Variants in PAPOLG observed in about 807,000 individuals in gnomAD.
PAPOLG encodes the protein PAP-gamma.
Under a neutral mutation model 99.0 loss-of-function variants are expected in PAPOLG, and 40 were observed. The ratio of observed to expected loss-of-function variants is 0.40; its 90% CI spans 0.31 to 0.53. The LOEUF (loss-of-function observed/expected upper bound fraction) is 0.53, where lower values mean the gene tolerates loss of function less well. PAPOLG is among the 20% of genes least tolerant of loss of function. The probability of loss-of-function intolerance (pLI) is 0.41; values close to 1 mark genes in which losing one functional copy is unlikely to be tolerated. For synonymous variants in PAPOLG, 310 were observed against 299.3 expected, an observed-to-expected ratio of 1.04 and a Z score of -0.37; for missense variants, 675 against 884.1, an observed-to-expected ratio of 0.76 and a Z score of 3.00.
chr2:60,763,927 C>T (rs537006441), intron 3 of PAPOLG, among the ~76,000 whole-genome samples: 2 of 152,062 alleles, frequency 1.3e-5, no homozygotes, highest in South Asian at 2.1e-4. Context: ...CTCAGCCTCC[C>T]GAGTAGCTGG....
rs1256653245 is a variant in PAPOLG at position 60,797,063 on chromosome 2, G to GACTACCCAGTAAAGA, written c.2121_2135dup (p.Ser708_Pro712dup). 6.2e-7 allele frequency: 1 copy of GACTACCCAGTAAAGA among 1,612,162 alleles called. No individual in the cohort carries two copies. Among genetic ancestry groups the GACTACCCAGTAAAGA allele is most frequent in the Non-Finnish European group, 8.5e-7 (1 of 1,178,322 alleles). ...TTGTTTCCTCTTTCTTTCTAATAGA[G>GACTACCCAGTAAAGA]ACTACCCAGTAAAGAACTACCAGAT... is the stretch of plus-strand genomic sequence containing the variant. On this transcript the variant is annotated inframe_insertion and splice_region_variant, in exon 22 of 22. Transcript: ENST00000238714.
chr2:60,793,964 T>G lies in PAPOLG; in HGVS notation c.1769-7T>G. 1.3e-6 allele frequency: 2 copies of G among 1,596,694 alleles called. No homozygotes were observed. The highest frequency in any genetic ancestry group is 1.7e-6 in the Non-Finnish European group (2 of 1,171,578). ...TTAATTATTAAAATCCTTTTTTTCCTTTTCAGAAGTTGACTCTACAGTAAA... is the reference window on the plus strand; with the variant it reads ...TTAATTATTAAAATCCTTTTTTTCCGTTTCAGAAGTTGACTCTACAGTAAA... On this transcript the variant is annotated splice_region_variant and splice_polypyrimidine_tract_variant and intron_variant, in intron 18 of 21. Transcript: ENST00000238714.
Position 60,782,678 on chromosome 2 carries a change from T to TTTTTTTTTTTTTA in PAPOLG, c.1028-8_1028-7insTTTTTTTTTTTTA. On this transcript the variant is annotated splice_polypyrimidine_tract_variant and splice_region_variant and intron_variant, in intron 11 of 21. Transcript: ENST00000238714. The stretch of plus-strand genomic sequence containing the variant: ...CTTTTTTTTTTTTTTTTTTTTTTTT[T>TTTTTTTTTTTTTA]AATTTAGGTCTTGCAGTCACAGATG... 1 of 1,379,936 alleles carries TTTTTTTTTTTTTA rather than the reference T, an allele frequency of 7.2e-7. No individual in the cohort carries two copies. The highest frequency in any genetic ancestry group is 3.1e-5 in the Admixed American group (1 of 32,642). 85.5% of individuals were successfully genotyped at this position (1,379,936 alleles called of 1,614,324 possible).
chr2:60,759,449 G>C (rs1362878100), intron 1 of PAPOLG, among the ~76,000 whole-genome samples: 1 of 152,184 alleles, frequency 6.6e-6, no homozygotes, highest in Non-Finnish European at 1.5e-5. Flanking sequence ...AAGATGTTTG[G>C]AGGGTGGCTC....
At chr2:60,783,238 T>C in intron 13 of PAPOLG, 29 bp downstream of exon 13, 1 of 1,398,812 alleles carries the variant, frequency 7.1e-7, no homozygotes, top group Non-Finnish European at 9.9e-7. Flanking sequence ...GTTTTCTACC[T>C]ACTGTGTGGT....
intron 7 of PAPOLG, among the ~76,000 whole-genome samples, chr2:60,773,036 T>C (rs964544403): frequency 6.6e-6 from 1 of 152,172 alleles, no homozygotes; most frequent in African/African-American, 2.4e-5. Flanking sequence ...GCGATTCTCC[T>C]GCCTCAGCCT....
intron 3 of PAPOLG, among the ~76,000 whole-genome samples, chr2:60,765,514 G>A (rs1670651794): frequency 6.6e-6 from 1 of 151,328 alleles, no homozygotes; most frequent in Admixed American, 6.6e-5. Flanking sequence ...TAGGATTATA[G>A]GCATGAGCCA....
chr2:60,781,875 A>G lies in PAPOLG; in HGVS notation c.907-10A>G, dbSNP rs1671199850. On this transcript the variant is annotated splice_polypyrimidine_tract_variant and intron_variant, in intron 10 of 21. Transcript: ENST00000238714. ...AGAATAGATCAGTTATTCTGCTTCT[A>G]ATTTCACAGGTAAATCCATCAGATA... The G allele has an allele frequency of 1.2e-6, 2 of 1,613,786 alleles. No homozygotes were observed. The highest frequency in any genetic ancestry group is 1.7e-5 in the Admixed American group (1 of 59,974).
chr2:60,787,739 C>A, intron 15 of PAPOLG, 119 bp downstream of exon 15: 1 of 1,306,796 alleles, frequency 7.7e-7, no homozygotes, highest in Non-Finnish European at 1.1e-6. Context: ...GTGAACATGG[C>A]ATATCCGTAT....
At position 60,797,116 on chromosome 2, in the gene PAPOLG, A is replaced by G. The variant is rs1024369947; in HGVS notation, c.2167A>G (p.Ile723Val). ...ATCATCTCCAGTTCCAGCAAACAAC[A>G]TCCGTGTCATCAAAAATTCCATTCG... ...DSSSPVPANNIRVIKNSIRLT... is the reference protein window; with the variant it reads ...DSSSPVPANNVRVIKNSIRLT... The change falls in exon 22 of 22, where the codon ATC (isoleucine) becomes GTC (valine). Residue 723 changes from isoleucine (I) to valine (V), a missense_variant. Ile to Val is a conservative substitution (Grantham distance 29). Around this residue, in one of 3 missense-constraint regions of PAPOLG, gnomAD observed 413 missense variants for 460.5 expected, o/e 0.90. Transcript: ENST00000238714. 11 of 1,614,068 alleles carry G rather than the reference A, an allele frequency of 6.8e-6. No individual in the cohort carries two copies. The highest frequency in any genetic ancestry group is 4.5e-5 in the East Asian group (2 of 44,868).
intron 11 of PAPOLG, 87 bp downstream of exon 11, chr2:60,782,092 G>C: frequency 7.4e-7 from 1 of 1,360,008 alleles, no homozygotes; most frequent in Non-Finnish European, 1.0e-6. Context: ...TGGATTGGCA[G>C]TTAGAGTTAT....
chr2:60,794,642 GT>G, intron 19 of PAPOLG, 67 bp from the exon 20 acceptor site: 1 of 1,353,380 alleles, frequency 7.4e-7, no homozygotes, highest in Non-Finnish European at 1.0e-6. Flanking sequence ...TAGTTTTCCA[GT>G]TTATATAGAT....
intron 15 of PAPOLG, among the ~76,000 whole-genome samples, chr2:60,788,255 G>T (rs139427802): frequency 0.018 from 2,809 of 152,196 alleles, 41 homozygotes; most frequent in Non-Finnish European, 0.031. Context: ...CAGGGTACAG[G>T]ATAAGGAGAC....
In PAPOLG at chr2:60,792,227, T is replaced by C; in HGVS notation, c.1617T>C (p.Asn539=). The C allele has an allele frequency of 2.5e-6, 4 of 1,610,208 alleles. No individual in the cohort carries two copies. The highest frequency in any genetic ancestry group is 3.4e-6 in the Non-Finnish European group (4 of 1,179,270). Residue 539 remains asparagine (N), a synonymous_variant, in exon 17 of 22, where the codon AAT becomes AAC. Transcript: ENST00000238714. ...SCLDSSRDTD[N]GTPFNSPASK... The stretch of plus-strand genomic sequence containing the variant: ...TGGATAGCTCCAGAGACACTGATAA[T>C]GGAACACCTTTTAATTCTCCAGCGT...
At chr2:60,763,915 G>T (rs1272531763) in intron 3 of PAPOLG, among the ~76,000 whole-genome samples, 1 of 151,908 alleles carries the variant, frequency 6.6e-6, no homozygotes, top group African/African-American at 2.4e-5. Context: ...CAGTTCTCTT[G>T]CCTCAGCCTC....
rs763782234 is a variant in PAPOLG at position 60,793,996 on chromosome 2, A to G, written c.1794A>G (p.Val598=). The G allele has an allele frequency of 2.5e-6, 4 of 1,611,522 alleles. No homozygotes were observed. The highest frequency in any genetic ancestry group is 3.4e-6 in the Non-Finnish European group (4 of 1,177,680). ...AAGTTGACTCTACAGTAAAAACTGT[A>G]TCACCCCCCACTGTGTGTACCATTC... is the stretch of plus-strand genomic sequence containing the variant. ...GAKVDSTVKT[V]SPPTVCTIPT... Residue 598 remains valine, a synonymous_variant, in exon 19 of 22, where the codon GTA becomes GTG. Coordinates refer to ENST00000238714, the MANE Select transcript of PAPOLG (RefSeq NM_022894.4).
rs1558721178 is a variant in PAPOLG at position 60,794,011 on chromosome 2, GTGT to G, written c.1810_1812del (p.Cys604del). On this transcript the variant is annotated inframe_deletion, in exon 19 of 22. Transcript: ENST00000238714. ...TAAAAACTGTATCACCCCCCACTGT[GTGT>G]ACCATTCCTACCGTAGTAGGACGAA... 1 of 1,612,894 alleles carries G rather than the reference GTGT, an allele frequency of 6.2e-7. No homozygotes were observed. Among genetic ancestry groups the G allele is most frequent in the South Asian group, 1.1e-5 (1 of 91,056 alleles).
rs768680963 is a variant in PAPOLG, at chr2:60,768,883, A to G, written c.431A>G (p.Asn144Ser). Reference protein sequence around the residue: ...EKLKHQDGIRNLRAVEDAFVP... With the variant: ...EKLKHQDGIRSLRAVEDAFVP... ...TTGAAACATCAAGATGGCATTAGAAACTTAAGAGTAAGTATCCTCTGGCAT... is the reference window on the plus strand; with the variant it reads ...TTGAAACATCAAGATGGCATTAGAAGCTTAAGAGTAAGTATCCTCTGGCAT... The change falls in exon 5 of 22, where the codon AAC becomes AGC. Residue 144 changes from asparagine (N) to serine (S), a missense_variant. By Grantham distance (46) the Asn-to-Ser change is conservative. Around this residue, in one of 3 missense-constraint regions of PAPOLG, gnomAD observed 149 missense variants for 192.1 expected, o/e 0.78. Transcript: ENST00000238714. 6 of 1,577,458 alleles carry G rather than the reference A, an allele frequency of 3.8e-6. No homozygotes were observed. The African/African-American group carries it at 4.1e-5, about 11-fold the overall frequency.
Position 60,785,051 on chromosome 2 carries a change from A to T in PAPOLG, c.1166+1842A>T, listed in dbSNP as rs1484257417. 5.9e-5 allele frequency among the ~76,000 whole-genome samples: 9 copies of T among 152,236 alleles called. No homozygotes were observed. In the East Asian group the frequency reaches 1.5e-3, roughly 26 times the overall value. ...CAAGCTGCCATCGGTCACATTTCTT[A>T]AGTGAGATAGAAATAAAATTGCAGA... On this transcript the variant is annotated intron_variant, in intron 13 of 21. Transcript: ENST00000238714.
Sources: gnomAD v4.1 joint callset for allele counts (sites outside exome capture counted in the v4.1 genomes callset) on GRCh38, gnomAD v4.1.1 for gene constraint, gnomAD v4.1.1 regional missense constraint, MANE v1.5 for transcripts, NCBI Gene and HGNC (gene_info 2026-07-23, HGNC 2026-07-21) for gene names.